The following AGMO variants were observed in gnomAD, a reference collection of about 807,000 sequenced individuals.
AGMO encodes glyceryl-ether monooxygenase.
Under a neutral mutation model 60.2 loss-of-function variants are expected in AGMO, and 75 were observed. That is an observed-to-expected ratio of 1.25 (90% CI 1.03 to 1.51). The LOEUF is 1.51. Among genes scored for constraint, AGMO ranks in the 40% most tolerant of loss-of-function variants. The pLI is 0.00. For missense variants in AGMO, 763 were observed against 525.5 expected, an observed-to-expected ratio of 1.45 and a Z score of -4.42; for synonymous variants, 261 against 177.1, an observed-to-expected ratio of 1.47 and a Z score of -3.76.
rs2128494418 is a variant in AGMO at position 15,212,821 on chromosome 7, TG to T, written c.1264-11463del. Among the ~76,000 whole-genome samples, 2 of 152,058 alleles carry T rather than the reference TG, an allele frequency of 1.3e-5. 1 individual carries two copies. The highest frequency in any genetic ancestry group is 4.1e-4 in the South Asian group (2 of 4,830). On this transcript the variant is annotated intron_variant, in intron 12 of 12. Coordinates refer to ENST00000342526, the MANE Select transcript of AGMO (RefSeq NM_001004320.2). ...CCTGCTATGCCTCAGTATCTTCAGC[TG>T]AAAAAGATACTGAGCTTACAAAGAA...
chr7:15,437,352 T>A (rs1427848726), intron 3 of AGMO, among the ~76,000 whole-genome samples: 2 of 152,156 alleles, frequency 1.3e-5, no homozygotes, highest in Non-Finnish European at 2.9e-5. Context: ...ATTCTATCCT[T>A]GCTCACTTAA....
intron 12 of AGMO, among the ~76,000 whole-genome samples, chr7:15,333,471 TTA>T (rs1781559326): frequency 6.6e-6 from 1 of 151,968 alleles, no homozygotes; most frequent in Admixed American, 6.6e-5. Flanking sequence ...TTTAGAGTCC[TTA>T]TGTTTCTTTT....
chr7:15,183,394 C>CTATTATTCTTAT, the AGMO span, among the ~76,000 whole-genome samples: 1 of 152,124 alleles, frequency 6.6e-6, no homozygotes, highest in Non-Finnish European at 1.5e-5. Flanking sequence ...TTCTTATTAC[C>CTATTATTCTTAT]TATCATAATA....
intron 12 of AGMO, among the ~76,000 whole-genome samples, chr7:15,274,185 G>A (rs147792626): frequency 0.097 from 14,694 of 152,014 alleles, 740 homozygotes; most frequent in East Asian, 0.19. Context: ...GAGAGAGGGC[G>A]TCCCTGTCTT....
At position 15,201,167 on chromosome 7, in the gene AGMO, C is replaced by A; in HGVS notation, c.*118G>T. On this transcript the variant is annotated 3_prime_UTR_variant, in exon 13 of 13. Transcript: ENST00000342526. ...AAACAATAGTAAATAAGTAATTTTA[C>A]TTTTCATTGAAGAAATAGTTCATAT... is the stretch of plus-strand genomic sequence containing the variant. 1.7e-6 allele frequency: 1 copy of A among 581,834 alleles called. No individual in the cohort carries two copies. The highest frequency in any genetic ancestry group is 2.7e-6 in the Non-Finnish European group (1 of 364,254). The allele number at this position is 581,834 out of a possible 1,614,324, so 36.0% of individuals were successfully genotyped here.
the AGMO span, among the ~76,000 whole-genome samples, chr7:15,172,426 AC>A: frequency 6.6e-6 from 1 of 152,212 alleles, no homozygotes; most frequent in African/African-American, 2.4e-5. Flanking sequence ...GAGGGCCACA[AC>A]TGGGATTGCA....
At chr7:15,242,421 T>C (rs73279621) in intron 12 of AGMO, among the ~76,000 whole-genome samples, 7,993 of 152,200 alleles carry the variant, frequency 0.053, 772 homozygotes, top group African/African-American at 0.18. Flanking sequence ...GGCTTATTTT[T>C]TAACCACAGT....
chr7:15,447,884 G>C (rs1781744810), intron 3 of AGMO, among the ~76,000 whole-genome samples: 1 of 152,122 alleles, frequency 6.6e-6, no homozygotes, highest in Non-Finnish European at 1.5e-5. Context: ...GTGAGTTAAG[G>C]TATTATCTTT....
At chr7:15,308,000 T>C (rs1004454500) in intron 12 of AGMO, among the ~76,000 whole-genome samples, 4 of 152,062 alleles carry the variant, frequency 2.6e-5, no homozygotes, top group Non-Finnish European at 5.9e-5. Context: ...CCCCACTTTC[T>C]AAATACCTGG....
the AGMO span, among the ~76,000 whole-genome samples, chr7:15,144,426 C>T: frequency 6.6e-6 from 1 of 152,118 alleles, no homozygotes; most frequent in East Asian, 1.9e-4. Context: ...TAATTAAATA[C>T]CTCAAGTGTT....
At chr7:15,441,699 C>T (rs1252863595) in intron 3 of AGMO, among the ~76,000 whole-genome samples, 1 of 152,104 alleles carries the variant, frequency 6.6e-6, no homozygotes, top group African/African-American at 2.4e-5. Context: ...GAACTTCTAC[C>T]ATATTATATT....
chr7:15,478,042 T>C (rs969643261), intron 3 of AGMO, among the ~76,000 whole-genome samples: 1 of 152,098 alleles, frequency 6.6e-6, no homozygotes, highest in African/African-American at 2.4e-5. Flanking sequence ...CACATATTCT[T>C]CAGAGAAATG....
the AGMO span, among the ~76,000 whole-genome samples, chr7:15,164,933 C>T: frequency 6.1e-3 from 931 of 152,200 alleles, 8 homozygotes; most frequent in African/African-American, 0.021. Flanking sequence ...GTCACCTGCA[C>T]TAATATGTGT....
intron 12 of AGMO, among the ~76,000 whole-genome samples, chr7:15,264,143 T>C (rs1264965795): frequency 1.3e-5 from 2 of 151,970 alleles, no homozygotes; most frequent in Non-Finnish European, 2.9e-5. Flanking sequence ...TAGTGTCATA[T>C]TTATGAATTA....
intron 12 of AGMO, among the ~76,000 whole-genome samples, chr7:15,322,727 TATATATAA>T (rs1554413759): frequency 3.8e-5 from 3 of 78,750 alleles, no homozygotes; most frequent in South Asian, 4.7e-4. Context: ...TATATAAATA[TATATATAA>T]ATATATAAAT....
chr7:15,357,353 G>T (rs946233569), intron 12 of AGMO, among the ~76,000 whole-genome samples: 4 of 151,794 alleles, frequency 2.6e-5, no homozygotes, highest in African/African-American at 9.7e-5. Flanking sequence ...ACTCATTTAG[G>T]ATGACTTCAG....
chr7:15,432,051 T>A (rs1294407314), intron 3 of AGMO, among the ~76,000 whole-genome samples: 1 of 151,748 alleles, frequency 6.6e-6, no homozygotes, highest in East Asian at 1.9e-4. Flanking sequence ...AAAAATCTGT[T>A]CTTAGCTAAA....
chr7:15,300,216 A>G (rs1784527718), intron 12 of AGMO, among the ~76,000 whole-genome samples: 1 of 152,174 alleles, frequency 6.6e-6, no homozygotes, highest in South Asian at 2.1e-4. Context: ...GATAGAGGGG[A>G]AAAAATTAAA....
At chr7:15,362,921 T>C (rs185756658) in intron 12 of AGMO, among the ~76,000 whole-genome samples, 1 of 152,320 alleles carries the variant, frequency 6.6e-6, no homozygotes, top group East Asian at 1.9e-4. Context: ...CATTAAGAGT[T>C]ATAGTGTCAG....
Sources: allele counts gnomAD v4.1 joint callset (sites outside exome capture counted in the v4.1 genomes callset), GRCh38; gene constraint gnomAD v4.1.1; transcripts MANE v1.5; gene names NCBI Gene and HGNC (gene_info 2026-07-23, HGNC 2026-07-21).